CMIP: variants seen among roughly 807,000 people sequenced by gnomAD.
CMIP encodes the protein C-Maf-inducing protein.
Under a neutral mutation model 97.3 loss-of-function variants are expected in CMIP, and 13 were observed. The observed-to-expected ratio is 0.13, with a 90% confidence interval of 0.09 to 0.21. CMIP has a LOEUF of 0.21. Among genes scored for constraint, CMIP ranks in the 10% least tolerant of loss-of-function variants. CMIP has a pLI of 1.00. For synonymous variants in CMIP, 538 were observed against 436.3 expected, an observed-to-expected ratio of 1.23 and a Z score of -2.91; for missense variants, 847 against 1,024.9, an observed-to-expected ratio of 0.83 and a Z score of 2.37.
chr16:81,548,029 C>T (rs963183031), intron 1 of CMIP, among the ~76,000 whole-genome samples: 2 of 152,150 alleles, frequency 1.3e-5, no homozygotes, highest in Non-Finnish European at 2.9e-5. Context: ...CAGATCATTA[C>T]AGCGGCTGGC....
chr16:81,597,596 G>GGA (rs1555535140), intron 1 of CMIP, among the ~76,000 whole-genome samples: 2 of 125,076 alleles, frequency 1.6e-5, no homozygotes, highest in African/African-American at 9.1e-5. Flanking sequence ...AGGGGAGCGG[G>GGA]GGGGGGGGAG....
At position 81,621,175 on chromosome 16, in the gene CMIP, C is replaced by T; in HGVS notation, c.477+249C>T. 2.3e-6 allele frequency: 1 copy of T among 436,436 alleles called. No homozygotes were observed. The highest frequency in any genetic ancestry group is 4.2e-5 in the East Asian group (1 of 23,858). 27.0% of individuals were successfully genotyped at this position (436,436 alleles called of 1,614,324 possible). ...AAACCCTATAGCTGTTTTCCTGCTT[C>T]AAAAGGATCATAGAACTGCTTGCTC... On this transcript the variant is annotated intron_variant, in intron 3 of 20. Transcript: ENST00000537098. The surrounding 1 kb of genome is among the most constrained non-coding windows in gnomAD (Gnocchi z 4.1).
At chr16:81,591,369 A>G (rs2091464448) in intron 1 of CMIP, among the ~76,000 whole-genome samples, 1 of 152,162 alleles carries the variant, frequency 6.6e-6, no homozygotes, top group Admixed American at 6.5e-5. Context: ...TCACAACACA[A>G]ACAGCTGGAG....
At chr16:81,550,833 C>A (rs2090638048) in intron 1 of CMIP, among the ~76,000 whole-genome samples, 1 of 149,800 alleles carries the variant, frequency 6.7e-6, no homozygotes, top group African/African-American at 2.5e-5. Context: ...TCTGTGCCCT[C>A]CCCAGTTCCA....
rs1022503382 is a variant in CMIP at position 81,507,405 on chromosome 16, G to T, written c.300+61864G>T. Among the ~76,000 whole-genome samples the T allele has an allele frequency of 2.6e-5, 4 of 152,182 alleles. No individual in the cohort carries two copies. The South Asian group carries it at 6.2e-4, about 24-fold the overall frequency. ...GGTGTCAGGAGTTTGAGAAACCATA[G>T]GCTAAATTGGGTGTGTCCTCTATGT... On this transcript the variant is annotated intron_variant, in intron 1 of 20. Transcript: ENST00000537098.
chr16:81,478,914 T>C (rs748037933), intron 1 of CMIP, among the ~76,000 whole-genome samples: 1 of 152,140 alleles, frequency 6.6e-6, no homozygotes, highest in Non-Finnish European at 1.5e-5. Context: ...CAGCCCAGCC[T>C]CGTCTTGTTC....
intron 9 of CMIP, among the ~76,000 whole-genome samples, chr16:81,676,140 G>A (rs763751149): frequency 1.3e-5 from 2 of 152,200 alleles, no homozygotes; most frequent in African/African-American, 4.8e-5. Context: ...GGTTGGAGGC[G>A]TGGCGAGGGT....
chr16:81,640,398 G>C (rs1380643762), intron 3 of CMIP, among the ~76,000 whole-genome samples: 1 of 151,986 alleles, frequency 6.6e-6, no homozygotes, highest in East Asian at 1.9e-4. Context: ...GAAATGATGG[G>C]GCTGGACGGC....
intron 10 of CMIP, among the ~76,000 whole-genome samples, chr16:81,691,375 G>A (rs2151079181): frequency 6.9e-6 from 1 of 144,052 alleles, no homozygotes; most frequent in African/African-American, 2.5e-5. Flanking sequence ...TAAAGGTTGT[G>A]TCTCCCAGTA....
chr16:81,669,110 CCT>C (rs2092648538), intron 7 of CMIP, among the ~76,000 whole-genome samples: 3 of 99,356 alleles, frequency 3.0e-5, no homozygotes, highest in Admixed American at 9.3e-5. Flanking sequence ...TCCACACCCA[CCT>C]CTCACACTCA....
intron 10 of CMIP, among the ~76,000 whole-genome samples, chr16:81,686,418 G>A (rs1905395146): frequency 1.3e-5 from 2 of 152,190 alleles, no homozygotes; most frequent in African/African-American, 4.8e-5. Context: ...CTCAAGCACT[G>A]CAGTCCAGAG....
chr16:81,507,928 C>T (rs1240677297), intron 1 of CMIP, among the ~76,000 whole-genome samples: 1 of 152,216 alleles, frequency 6.6e-6, no homozygotes, highest in Non-Finnish European at 1.5e-5. Context: ...TGGAGCTGGA[C>T]TGATCCGGTG....
chr16:81,532,647 G>A (rs139257841), intron 1 of CMIP, among the ~76,000 whole-genome samples: 27 of 152,238 alleles, frequency 1.8e-4, no homozygotes, highest in Non-Finnish European at 3.8e-4. Context: ...AGACCCACCT[G>A]GTGCCAGGGA....
chr16:81,614,865 CATGTGTGTGT>C lies in CMIP; in HGVS notation c.427-6010_427-6001del. ...GTATGCACATGTATCTCTGTGTGTG[CATGTGTGTGT>C]GGTATGTGCATGTGTGTGTGTCCTG... On this transcript the variant is annotated intron_variant, in intron 2 of 20. Coordinates refer to ENST00000537098, the MANE Select transcript of CMIP (RefSeq NM_198390.3). This position sits in a 1 kb window ranked among gnomAD's most constrained non-coding sequence, Gnocchi z 5.3. 6.7e-6 allele frequency among the ~76,000 whole-genome samples: 1 copy of C among 148,584 alleles called. No individual in the cohort carries two copies. The highest frequency in any genetic ancestry group is 2.0e-4 in the East Asian group (1 of 5,010).
intron 1 of CMIP, among the ~76,000 whole-genome samples, chr16:81,553,836 T>C (rs150805688): frequency 6.6e-6 from 1 of 152,242 alleles, no homozygotes; most frequent in East Asian, 1.9e-4. Flanking sequence ...GACAAATTGC[T>C]GGTGGAGGGA....
chr16:81,508,000 TG>T (rs781772038), intron 1 of CMIP, among the ~76,000 whole-genome samples: 36 of 152,344 alleles, frequency 2.4e-4, no homozygotes, highest in South Asian at 1.0e-3. Context: ...AGAGCCCACT[TG>T]GGCAATGCCA....
intron 1 of CMIP, among the ~76,000 whole-genome samples, chr16:81,521,058 A>G (rs979394110): frequency 6.6e-6 from 1 of 152,254 alleles, no homozygotes; most frequent in Non-Finnish European, 1.5e-5. Flanking sequence ...CAGCCTGGGA[A>G]CAGGAATGTG....
chr16:81,701,406 C>T (rs943427301), intron 15 of CMIP, among the ~76,000 whole-genome samples: 5 of 152,184 alleles, frequency 3.3e-5, no homozygotes, highest in African/African-American at 4.8e-5. Context: ...AGACACCGCA[C>T]GGTAAGCAGA....
intron 3 of CMIP, among the ~76,000 whole-genome samples, chr16:81,644,661 A>T (rs1013251489): frequency 6.6e-6 from 1 of 152,200 alleles, no homozygotes; most frequent in Non-Finnish European, 1.5e-5. Flanking sequence ...GGAGATAGCA[A>T]ATTATTTCCT....
Sources: gnomAD v4.1 joint callset for allele counts (sites outside exome capture counted in the v4.1 genomes callset) on GRCh38, gnomAD v4.1.1 for gene constraint, Gnocchi (gnomAD v3.1) non-coding constraint, MANE v1.5 for transcripts, NCBI Gene and HGNC (gene_info 2026-07-23, HGNC 2026-07-21) for gene names.